The following XIRP2 variants were observed in gnomAD, a reference collection of about 807,000 sequenced individuals.
XIRP2 encodes the protein xin actin-binding repeat-containing protein 2.
XIRP2 carries 236 observed loss-of-function variants against 277.0 expected under a neutral mutation model. The ratio of observed to expected loss-of-function variants is 0.85; its 90% CI spans 0.77 to 0.95. XIRP2 has a LOEUF of 0.95. Among genes scored for constraint, XIRP2 ranks in the 40% least tolerant of loss-of-function variants. XIRP2 has a pLI of 0.00. For synonymous variants in XIRP2, 1,490 were observed against 1,416.5 expected (o/e 1.05, Z -1.17); for missense variants, 4,640 against 4,157.5 (o/e 1.12, Z -3.19).
Position 167,246,482 on chromosome 2 carries a change from A to C in XIRP2, c.5090A>C (p.Glu1697Ala). The change falls in exon 9 of 11, where the codon GAA (glutamate) becomes GCA (alanine). Residue 1697 changes from glutamate (E) to alanine (A), a missense_variant. Glu to Ala is a moderately radical substitution (Grantham distance 107, BLOSUM62 -1). Coordinates refer to ENST00000409195, the MANE Select transcript of XIRP2 (RefSeq NM_152381.6). ...ATGACTATCTATTGTCTTCTTCATG[A>C]AAATGATGGTGACACAATTGAGCGT... ...INMTIYCLLH[E>A]NDGDTIEREE... is the part of the protein sequence containing the mutation. 1.2e-6 allele frequency: 2 copies of C among 1,613,730 alleles called. No individual in the cohort carries two copies. The highest frequency in any genetic ancestry group is 1.7e-6 in the Non-Finnish European group (2 of 1,179,816).
intron 2 of XIRP2, among the ~76,000 whole-genome samples, chr2:167,067,126 T>G (rs531395660): frequency 9.9e-5 from 15 of 152,164 alleles, no homozygotes; most frequent in Non-Finnish European, 1.8e-4. Context: ...ATATGTGTTC[T>G]GCCTCCCTCC....
At chr2:166,951,358 G>A (rs1191786065) in intron 2 of XIRP2, among the ~76,000 whole-genome samples, 2 of 151,908 alleles carry the variant, frequency 1.3e-5, no homozygotes, top group African/African-American at 2.4e-5. Context: ...GGAAGGCAAA[G>A]AGGGAACAAG....
At position 167,258,648 on chromosome 2, in the gene XIRP2, A is replaced by C. The variant is rs781332462; in HGVS notation, c.*831A>C. ...GATGAGATGATGCCAGAAAATCATA[A>C]AGAAAATTTGAATAAGAATAATAAT... On this transcript the variant is annotated 3_prime_UTR_variant, in exon 11 of 11. Coordinates refer to ENST00000409195, the MANE Select transcript of XIRP2 (RefSeq NM_152381.6). The C allele has an allele frequency of 4.3e-6, 7 of 1,611,684 alleles. No individual in the cohort carries two copies. The highest frequency in any genetic ancestry group is 5.1e-6 in the Non-Finnish European group (6 of 1,179,088).
chr2:167,220,874 T>C (rs1162899010), intron 5 of XIRP2, among the ~76,000 whole-genome samples: 2 of 152,134 alleles, frequency 1.3e-5, no homozygotes, highest in Non-Finnish European at 2.9e-5. Context: ...GCAAATGTAG[T>C]TTATTATTAT....
intron 3 of XIRP2, among the ~76,000 whole-genome samples, chr2:167,181,102 A>G (rs1692994889): frequency 6.6e-6 from 1 of 152,154 alleles, no homozygotes; most frequent in Non-Finnish European, 1.5e-5. Context: ...AAACCTAACA[A>G]CACATCCCTA....
chr2:167,127,213 C>G (rs534271620), intron 2 of XIRP2, among the ~76,000 whole-genome samples: 2 of 152,180 alleles, frequency 1.3e-5, no homozygotes, highest in African/African-American at 4.8e-5. Context: ...CTTCCTGTGT[C>G]AGCCACAAAT....
intron 2 of XIRP2, among the ~76,000 whole-genome samples, chr2:167,009,231 A>C (rs1238076928): frequency 1.9e-5 from 2 of 105,058 alleles, no homozygotes; most frequent in Non-Finnish European, 3.6e-5. Flanking sequence ...ACCCCACAAC[A>C]GTCCCCAGAG....
chr2:167,221,787 G>A (rs1259807912), intron 5 of XIRP2, among the ~76,000 whole-genome samples: 1 of 152,072 alleles, frequency 6.6e-6, no homozygotes, highest in East Asian at 1.9e-4. Flanking sequence ...TTATTTCCCT[G>A]CTATTTGCCC....
chr2:166,908,590 C>A (rs1490637443), intron 2 of XIRP2, among the ~76,000 whole-genome samples: 3 of 152,102 alleles, frequency 2.0e-5, no homozygotes, highest in Admixed American at 6.5e-5. Context: ...ATGGTAGTTT[C>A]TTTTGCTGTG....
intron 2 of XIRP2, among the ~76,000 whole-genome samples, chr2:167,101,992 A>T (rs1362170766): frequency 2.0e-5 from 3 of 152,148 alleles, no homozygotes; most frequent in Non-Finnish European, 4.4e-5. Context: ...GTGATAGAGG[A>T]GGTGGTGTCA....
At chr2:167,022,431 G>A (rs1457009431) in intron 2 of XIRP2, among the ~76,000 whole-genome samples, 1 of 151,906 alleles carries the variant, frequency 6.6e-6, no homozygotes, top group East Asian at 1.9e-4. Flanking sequence ...ATTGCATAAT[G>A]TTATGTATTC....
chr2:167,194,120 T>C (rs1443804599), intron 3 of XIRP2, among the ~76,000 whole-genome samples: 3 of 151,806 alleles, frequency 2.0e-5, no homozygotes, highest in Non-Finnish European at 4.4e-5. Context: ...CTCACTCTGT[T>C]GCCCAGGCTG....
At chr2:167,037,844 G>T (rs549793361) in intron 2 of XIRP2, among the ~76,000 whole-genome samples, 1 of 151,908 alleles carries the variant, frequency 6.6e-6, no homozygotes, top group East Asian at 1.9e-4. Context: ...GGCTAAACCT[G>T]CAATTATACT....
At chr2:167,076,123 G>C (rs192195657) in intron 2 of XIRP2, among the ~76,000 whole-genome samples, 1 of 151,748 alleles carries the variant, frequency 6.6e-6, no homozygotes, top group Non-Finnish European at 1.5e-5. Context: ...GGCAACAGAT[G>C]TTTACTGATT....
chr2:167,110,487 A>G (rs1400370862), intron 2 of XIRP2, among the ~76,000 whole-genome samples: 2 of 152,006 alleles, frequency 1.3e-5, no homozygotes, highest in Non-Finnish European at 1.5e-5. Flanking sequence ...GTAGGTGTGC[A>G]ACCTTATTTC....
intron 2 of XIRP2, among the ~76,000 whole-genome samples, chr2:166,946,227 T>C (rs1481197199): frequency 1.3e-5 from 2 of 152,142 alleles, no homozygotes; most frequent in African/African-American, 4.8e-5. Flanking sequence ...TATGAGTAAA[T>C]TTAGAATAAT....
In XIRP2 at chr2:167,119,395, G is replaced by A. The variant is rs145211275; in HGVS notation, c.409-16514G>A. 3.3e-3 allele frequency among the ~76,000 whole-genome samples: 500 copies of A among 152,226 alleles called. 4 individuals are homozygous for A. Among genetic ancestry groups the A allele is most frequent in the Non-Finnish European group, 5.4e-3 (367 of 68,024 alleles). On this transcript the variant is annotated intron_variant, in intron 2 of 10. Coordinates refer to ENST00000409195, the MANE Select transcript of XIRP2 (RefSeq NM_152381.6). ...TAAAGTCAAAGATTTTATTTAACTC[G>A]TTAATTAATGAGAGAGCAAAGGTAA...
intron 2 of XIRP2, among the ~76,000 whole-genome samples, chr2:167,029,436 C>T (rs577253009): frequency 1.1e-4 from 16 of 152,018 alleles, no homozygotes; most frequent in South Asian, 6.2e-4. Flanking sequence ...TTTTATCGAA[C>T]GCCTTTTCTG....
At chr2:166,923,938 A>G (rs1490820775) in intron 2 of XIRP2, among the ~76,000 whole-genome samples, 3 of 151,888 alleles carry the variant, frequency 2.0e-5, no homozygotes, top group African/African-American at 7.3e-5. Flanking sequence ...AGGTTGGAAT[A>G]CTCCTGAGTG....
Sources: allele counts gnomAD v4.1 joint callset (sites outside exome capture counted in the v4.1 genomes callset), GRCh38; gene constraint gnomAD v4.1.1; transcripts MANE v1.5; gene names NCBI Gene and HGNC (gene_info 2026-07-23, HGNC 2026-07-21).